KIF5C: variants seen among roughly 807,000 people sequenced by gnomAD.
KIF5C encodes kinesin heavy chain isoform 5C.
KIF5C carries 18 observed loss-of-function variants against 125.2 expected under a neutral mutation model. The observed-to-expected ratio is 0.14, with a 90% CI of 0.10 to 0.21. KIF5C has a LOEUF of 0.21. Ranked by LOEUF, KIF5C falls within the 10% of genes least tolerant of loss-of-function variation. The pLI is 1.00. For missense variants in KIF5C, 780 were observed against 1,183.8 expected, an observed-to-expected ratio of 0.66 and a Z score of 5.01; for synonymous variants, 405 against 434.0, an observed-to-expected ratio of 0.93 and a Z score of 0.83.
At chr2:149,018,232 T>A (rs61691812) in intron 25 of KIF5C, among the ~76,000 whole-genome samples, 11,399 of 152,196 alleles carry the variant, frequency 0.075, 1,206 homozygotes, top group African/African-American at 0.23. Context: ...GAGGCTGCAG[T>A]GAGCTGTGAT....
At chr2:149,010,461 G>C in intron 24 of KIF5C, 110 bp downstream of exon 24, 1 of 1,447,388 alleles carries the variant, frequency 6.9e-7, no homozygotes, top group Non-Finnish European at 9.1e-7. Context: ...CATCTGAAAG[G>C]CTGGGTTGGA....
intron 1 of KIF5C, among the ~76,000 whole-genome samples, chr2:148,881,500 GT>G (rs531213829): frequency 6.6e-5 from 10 of 151,626 alleles, no homozygotes; most frequent in East Asian, 1.9e-4. Flanking sequence ...TTGACTGAAG[GT>G]TTTTTTTCCC....
At chr2:148,973,648 A>C in intron 12 of KIF5C, 137 bp downstream of exon 12, 1 of 1,258,008 alleles carries the variant, frequency 7.9e-7, no homozygotes, top group Non-Finnish European at 1.1e-6. Flanking sequence ...TAGCACTTTG[A>C]TGGTGCAGAT....
intron 7 of KIF5C, among the ~76,000 whole-genome samples, chr2:148,943,539 CG>C (rs778688513): frequency 2.0e-5 from 3 of 151,988 alleles, no homozygotes; most frequent in Non-Finnish European, 4.4e-5. Flanking sequence ...TATATCTTAC[CG>C]TGTTGAAGGT....
chr2:148,875,575 G>GCCCCCCCCCCCCCCCCCCTCCCC lies in KIF5C; in HGVS notation c.-37_-36insCCCCCCCCCCCCTCCCCCCCCCC. Reference sequence around the variant, plus strand: ...TCCTCCCTCGTCGTTCCCGGCCCCGGCCCCCCACCCATCCCCGTGCCCCCT... The same window carrying GCCCCCCCCCCCCCCCCCCTCCCC: ...TCCTCCCTCGTCGTTCCCGGCCCCGGCCCCCCCCCCCCCCCCCCTCCCCCCCCCCACCCATCCCCGTGCCCCCT... On this transcript the variant is annotated 5_prime_UTR_variant, in exon 1 of 26. Coordinates refer to ENST00000435030, the MANE Select transcript of KIF5C (RefSeq NM_004522.3). 5 of 699,602 alleles carry GCCCCCCCCCCCCCCCCCCTCCCC rather than the reference G, an allele frequency of 7.1e-6. No homozygotes were observed. The highest frequency in any genetic ancestry group is 2.2e-5 in the Admixed American group (1 of 46,070). 43.3% of individuals were successfully genotyped at this position (699,602 alleles called of 1,614,324 possible).
At chr2:148,987,659 G>A (rs907784963) in intron 15 of KIF5C, among the ~76,000 whole-genome samples, 4 of 152,182 alleles carry the variant, frequency 2.6e-5, no homozygotes, top group African/African-American at 9.6e-5. Flanking sequence ...CCTTGGCCAC[G>A]AGGGGGTCTG....
chr2:149,002,462 T>A (rs1170912473), intron 21 of KIF5C, among the ~76,000 whole-genome samples: 1 of 152,118 alleles, frequency 6.6e-6, no homozygotes, highest in Non-Finnish European at 1.5e-5. Context: ...TCCTGCATGC[T>A]CCTCCATACA....
chr2:148,926,323 G>A (rs1681993580), intron 2 of KIF5C, among the ~76,000 whole-genome samples: 1 of 152,224 alleles, frequency 6.6e-6, no homozygotes, highest in African/African-American at 2.4e-5. Flanking sequence ...GAAGAGTGCT[G>A]TGGCCCCGGG....
intron 13 of KIF5C, among the ~76,000 whole-genome samples, chr2:148,980,041 A>G (rs1384484537): frequency 2.0e-5 from 3 of 152,206 alleles, no homozygotes; most frequent in Non-Finnish European, 4.4e-5. Flanking sequence ...CCACTGTGCA[A>G]TGACAGCAGG....
intron 24 of KIF5C, 75 bp from the exon 25 acceptor site, chr2:149,011,495 A>G: frequency 1.3e-6 from 2 of 1,571,892 alleles, no homozygotes; most frequent in Non-Finnish European, 8.7e-7. Flanking sequence ...GTCACAGGTG[A>G]CCTGTAGATA....
chr2:149,007,157 A>G (rs61440268), intron 22 of KIF5C, among the ~76,000 whole-genome samples: 7,299 of 152,300 alleles, frequency 0.048, 455 homozygotes, highest in African/African-American at 0.14. Flanking sequence ...CCTCCCCTGG[A>G]GAGCCCAGTG....
chr2:148,881,509 C>T (rs1409035846), intron 1 of KIF5C, among the ~76,000 whole-genome samples: 1 of 151,064 alleles, frequency 6.6e-6, no homozygotes, highest in Non-Finnish European at 1.5e-5. Context: ...GGTTTTTTTT[C>T]CCCCTTTCCC....
At chr2:148,931,445 T>G (rs914725543) in intron 3 of KIF5C, among the ~76,000 whole-genome samples, 9 of 151,826 alleles carry the variant, frequency 5.9e-5, no homozygotes, top group Admixed American at 2.6e-4. Context: ...TCCCAGCACA[T>G]AGGTCAGGAG....
At chr2:148,996,083 A>C (rs1681663044) in intron 17 of KIF5C, among the ~76,000 whole-genome samples, 2 of 152,136 alleles carry the variant, frequency 1.3e-5, no homozygotes, top group Non-Finnish European at 2.9e-5. Flanking sequence ...TGAATCCAGG[A>C]GGCGGAGGTT....
intron 5 of KIF5C, 97 bp from the exon 6 acceptor site, chr2:148,941,838 A>T: frequency 3.3e-6 from 5 of 1,515,324 alleles, no homozygotes; most frequent in South Asian, 1.3e-5. Context: ...AAGAGATTAG[A>T]TTTGACTGTC....
intron 25 of KIF5C, among the ~76,000 whole-genome samples, chr2:149,014,086 A>G (rs1682290117): frequency 6.6e-6 from 1 of 152,156 alleles, no homozygotes; most frequent in African/African-American, 2.4e-5. Context: ...GTGCAATGGC[A>G]TGATCTTGGC....
intron 10 of KIF5C, among the ~76,000 whole-genome samples, chr2:148,952,528 A>C (rs73009510): frequency 1.5e-4 from 23 of 152,288 alleles, no homozygotes; most frequent in African/African-American, 5.5e-4. Context: ...GTGCAAAGCC[A>C]TTGGATACCA....
At chr2:148,889,316 T>C (rs1421572323) in intron 1 of KIF5C, among the ~76,000 whole-genome samples, 1 of 152,230 alleles carries the variant, frequency 6.6e-6, no homozygotes, top group Non-Finnish European at 1.5e-5. Context: ...TCCTCTGATA[T>C]ATTTGAATTG....
intron 19 of KIF5C, among the ~76,000 whole-genome samples, chr2:148,999,280 C>G (rs1681776126): frequency 6.8e-6 from 1 of 147,788 alleles, no homozygotes; most frequent in Non-Finnish European, 1.5e-5. Flanking sequence ...ACTGTTCCCT[C>G]CCCTCCCGCT....
Sources: allele counts gnomAD v4.1 joint callset (sites outside exome capture counted in the v4.1 genomes callset), GRCh38; gene constraint gnomAD v4.1.1; transcripts MANE v1.5; gene names NCBI Gene and HGNC (gene_info 2026-07-23, HGNC 2026-07-21).